The following CEP63 variants were observed in gnomAD, a reference collection of about 807,000 sequenced individuals.
CEP63 encodes the protein centrosomal protein 63.
CEP63 carries 84 observed loss-of-function variants against 89.1 expected under a neutral mutation model. That is an observed-to-expected ratio of 0.94 (90% CI 0.79 to 1.13). CEP63 has a LOEUF of 1.13. Among genes scored for constraint, CEP63 ranks in the 50% most tolerant of loss-of-function variants. The pLI, the probability that CEP63 is intolerant of heterozygous loss-of-function variation, is 0.00. For missense variants in CEP63, 838 were observed against 813.3 expected (o/e 1.03, Z -0.37); for synonymous variants, 267 against 272.5 (o/e 0.98, Z 0.20).
chr3:134,738,249 TACACACAC>T, the CEP63 span, among the ~76,000 whole-genome samples: 6,609 of 145,578 alleles, frequency 0.045, 196 homozygotes, highest in Admixed American at 0.096. Flanking sequence ...TATTCCATCA[TACACACAC>T]ACACACACAC....
At chr3:134,580,451 C>T (rs1042126909) in intron 10 of CEP63, among the ~76,000 whole-genome samples, 2 of 134,336 alleles carry the variant, frequency 1.5e-5, no homozygotes, top group Admixed American at 7.7e-5. Flanking sequence ...AATTTACATC[C>T]CAATAAAGCT....
chr3:134,567,789 C>T (rs1957845059), downstream of CEP63, among the ~76,000 whole-genome samples: 1 of 152,194 alleles, frequency 6.6e-6, no homozygotes, highest in Non-Finnish European at 1.5e-5. Context: ...TTGCAGGCAG[C>T]AAAGGCCACT....
the CEP63 span, chr3:134,603,545 G>T: frequency 1.3e-6 from 2 of 1,536,694 alleles, no homozygotes; most frequent in South Asian, 2.5e-5. Flanking sequence ...GTCTGGCCTT[G>T]GCCCTTTGGG....
the CEP63 span, among the ~76,000 whole-genome samples, chr3:134,672,967 T>G: frequency 6.6e-6 from 1 of 152,214 alleles, no homozygotes; most frequent in Non-Finnish European, 1.5e-5. Context: ...GAAGCTCCAA[T>G]CCTTGGTAGG....
At chr3:134,724,595 A>G in the CEP63 span, among the ~76,000 whole-genome samples, 7 of 152,222 alleles carry the variant, frequency 4.6e-5, no homozygotes, top group Non-Finnish European at 7.3e-5. Flanking sequence ...GTTCTGTGGG[A>G]TTATCTTCTG....
At chr3:134,492,572 C>CT (rs77074365) in intron 1 of CEP63, among the ~76,000 whole-genome samples, 447 of 139,212 alleles carry the variant, frequency 3.2e-3, no homozygotes, top group Middle Eastern at 0.011. Context: ...CACTTCCCTC[C>CT]TTTTTTTTTT....
chr3:134,665,109 G>A, the CEP63 span, among the ~76,000 whole-genome samples: 1 of 152,178 alleles, frequency 6.6e-6, no homozygotes, highest in Non-Finnish European at 1.5e-5. Flanking sequence ...GGAGAAGTCC[G>A]GCAGGGGCTT....
At chr3:134,605,906 C>G in the CEP63 span, among the ~76,000 whole-genome samples, 1 of 152,318 alleles carries the variant, frequency 6.6e-6, no homozygotes, top group African/African-American at 2.4e-5. Context: ...CCATTGCTTC[C>G]CCTTCTGTTA....
chr3:134,648,140 GGCAGCGGGAGCTGCT>G, the CEP63 span, among the ~76,000 whole-genome samples: 2 of 152,226 alleles, frequency 1.3e-5, no homozygotes, highest in Non-Finnish European at 2.9e-5. Flanking sequence ...GATACGTTCT[GGCAGCGGGAGCTGCT>G]GCAATAAAAT....
chr3:134,655,945 G>A, the CEP63 span, among the ~76,000 whole-genome samples: 2 of 152,188 alleles, frequency 1.3e-5, no homozygotes, highest in Non-Finnish European at 2.9e-5. Context: ...GCATTCAGCA[G>A]TCTTCAGGAG....
chr3:134,681,249 G>A, the CEP63 span, among the ~76,000 whole-genome samples: 1 of 152,304 alleles, frequency 6.6e-6, no homozygotes, highest in East Asian at 1.9e-4. Flanking sequence ...TTACTCGGTG[G>A]CATATTGTAA....
chr3:134,646,292 A>G, the CEP63 span, among the ~76,000 whole-genome samples: 2 of 152,036 alleles, frequency 1.3e-5, no homozygotes, highest in African/African-American at 4.8e-5. Flanking sequence ...CATTGCACCC[A>G]TGCATGCCTG....
At chr3:134,764,604 G>A in the CEP63 span, among the ~76,000 whole-genome samples, 3 of 152,242 alleles carry the variant, frequency 2.0e-5, no homozygotes, top group Admixed American at 6.5e-5. Context: ...GGACCCTGCC[G>A]GTGAATTGAC....
chr3:134,714,444 C>T, the CEP63 span, among the ~76,000 whole-genome samples: 1 of 152,158 alleles, frequency 6.6e-6, no homozygotes, highest in Non-Finnish European at 1.5e-5. Flanking sequence ...TCCACTGGTG[C>T]TTTTTGAATG....
At chr3:134,541,243 A>G (rs1340441685) in intron 6 of CEP63, among the ~76,000 whole-genome samples, 1 of 152,182 alleles carries the variant, frequency 6.6e-6, no homozygotes, top group Non-Finnish European at 1.5e-5. Context: ...ACAGTTAATT[A>G]GAATTGCTTA....
chr3:134,506,845 GAC>G (rs1344598577), intron 2 of CEP63, among the ~76,000 whole-genome samples: 2 of 144,932 alleles, frequency 1.4e-5, no homozygotes, highest in African/African-American at 2.6e-5. Context: ...TTGAACCCGA[GAC>G]GTGGAGGTTG....
the CEP63 span, chr3:134,607,577 G>A: frequency 1.0e-6 from 1 of 985,486 alleles, no homozygotes; most frequent in African/African-American, 1.7e-5. Context: ...GCGTGCCCAG[G>A]CTGTGTGCCC....
At chr3:134,582,937 G>T (rs1254109173) in intron 10 of CEP63, among the ~76,000 whole-genome samples, 1 of 152,180 alleles carries the variant, frequency 6.6e-6, no homozygotes, top group African/African-American at 2.4e-5. Flanking sequence ...CAGTGATGAT[G>T]AGCATTTATT....
chr3:134,584,957 T>TTTTTTTTTTTTG lies in CEP63; in HGVS notation c.1207-2490_1207-2489insGTTTTTTTTTTT, dbSNP rs1491571080. On this transcript the variant is annotated intron_variant, in intron 10 of 10. Transcript: ENST00000683931. ...TCCATTTCTTCTAGATTTTCTAGGG[T>TTTTTTTTTTTTG]TTTTTTTTTTTTTTTTTGCATGGAG... Among the ~76,000 whole-genome samples, 132 of 59,840 alleles carry TTTTTTTTTTTTG rather than the reference T, an allele frequency of 2.2e-3. 5 individuals are homozygous for TTTTTTTTTTTTG. The highest frequency in any genetic ancestry group is 8.1e-3 in the African/African-American group (127 of 15,702). The allele number at this position is 59,840 out of a possible 152,430, so 39.3% of individuals were successfully genotyped here. A position where few individuals can be genotyped will look rare whatever the true frequency, so the allele number is the denominator to read the frequency against.
Sources: allele counts gnomAD v4.1 joint callset (sites outside exome capture counted in the v4.1 genomes callset), GRCh38; gene constraint gnomAD v4.1.1; transcripts MANE v1.5; gene names NCBI Gene and HGNC (gene_info 2026-07-23, HGNC 2026-07-21).